The following MGST1 variants were observed in gnomAD, a reference collection of about 807,000 sequenced individuals.
The protein encoded by MGST1 is microsomal glutathione S-transferase 1, also known as glutathione S-transferase 12.
Under a neutral mutation model 8.9 loss-of-function variants are expected in MGST1, and 5 were observed. That is an observed-to-expected ratio of 0.56 (90% CI 0.29 to 1.19). The LOEUF (loss-of-function observed/expected upper bound fraction) is 1.19, where lower values mean the gene tolerates loss of function less well. MGST1 is among the 50% of genes most tolerant of loss of function. The probability of loss-of-function intolerance (pLI) is 0.08; values close to 1 mark genes in which losing one functional copy is unlikely to be tolerated. For synonymous variants in MGST1, 54 were observed against 67.8 expected (o/e 0.80, Z 1.00); for missense variants, 182 against 187.4 (o/e 0.97, Z 0.17).
chr12:16,481,810 G>A (rs899976573), intron 4 of MGST1, among the ~76,000 whole-genome samples: 10 of 151,966 alleles, frequency 6.6e-5, no homozygotes, highest in African/African-American at 2.2e-4. Flanking sequence ...AAGAATACAG[G>A]GGGGTATGGG....
In MGST1 at chr12:16,586,031, A is replaced by G. The variant is rs2137577416; in HGVS notation, n.483-3497A>G. Among the ~76,000 whole-genome samples, 1 of 152,262 alleles carries G rather than the reference A, an allele frequency of 6.6e-6. No homozygotes were observed. Among genetic ancestry groups the G allele is most frequent in the East Asian group, 1.9e-4 (1 of 5,178 alleles). On this transcript the variant is annotated intron_variant and non_coding_transcript_variant, in intron 4 of 4. Coordinates refer to the MGST1 transcript ENST00000538857. The surrounding 1 kb of genome is among the most constrained non-coding windows in gnomAD (Gnocchi z 4.3). ...GACACTGATGTTTTTGCAGCTGTTAATGAAAATCTTCAACACAGGAAAACA... is the reference window on the plus strand; with the variant it reads ...GACACTGATGTTTTTGCAGCTGTTAGTGAAAATCTTCAACACAGGAAAACA...
intron 1 of MGST1, chr12:16,399,770 A>C: frequency 1.7e-6 from 2 of 1,172,738 alleles, no homozygotes; most frequent in Non-Finnish European, 2.6e-6. Flanking sequence ...GGTTGCAGGA[A>C]TTCAACCATT....
At chr12:16,486,949 C>T (rs554607249) in intron 4 of MGST1, among the ~76,000 whole-genome samples, 5 of 152,218 alleles carry the variant, frequency 3.3e-5, no homozygotes, top group South Asian at 4.1e-4. Context: ...TTCCAGGCCG[C>T]GACTGTTTAA....
At chr12:16,551,137 C>T in intron 4 of MGST1, 2 of 868,004 alleles carry the variant, frequency 2.3e-6, no homozygotes, top group South Asian at 2.7e-5. Flanking sequence ...TCAGTAGGTT[C>T]CTGTGTCAAT....
chr12:16,353,080 C>T (rs1005716620), intron 1 of MGST1, among the ~76,000 whole-genome samples: 3 of 151,960 alleles, frequency 2.0e-5, no homozygotes, highest in Non-Finnish European at 4.4e-5. Context: ...GTCACCCAGG[C>T]TAGAGTGCAG....
chr12:16,452,898 T>G (rs1209813322), intron 4 of MGST1, among the ~76,000 whole-genome samples: 2 of 151,900 alleles, frequency 1.3e-5, no homozygotes, highest in African/African-American at 2.4e-5. Context: ...TAAAAAGATG[T>G]GCCTAAATTA....
At chr12:16,450,593 C>A (rs1393715571) in intron 4 of MGST1, among the ~76,000 whole-genome samples, 1 of 151,890 alleles carries the variant, frequency 6.6e-6, no homozygotes. Context: ...AACTCAGAAT[C>A]GCACTAGTGT....
At chr12:16,558,992 A>G (rs1942293824) in intron 4 of MGST1, among the ~76,000 whole-genome samples, 1 of 152,174 alleles carries the variant, frequency 6.6e-6, no homozygotes, top group Non-Finnish European at 1.5e-5. Context: ...CAGCTAATAT[A>G]TGGTGGTGCT....
At chr12:16,365,138 T>C (rs1184203742), downstream of MGST1, among the ~76,000 whole-genome samples, 17 of 152,152 alleles carry the variant, frequency 1.1e-4, no homozygotes, top group Admixed American at 1.1e-3. Flanking sequence ...TTTATTTTTA[T>C]AATCATATGT....
chr12:16,355,268 G>A (rs1939665665), intron 2 of MGST1, among the ~76,000 whole-genome samples: 1 of 150,532 alleles, frequency 6.6e-6, no homozygotes, highest in South Asian at 2.1e-4. Context: ...GAGTGCAGTG[G>A]CAGGATCTCG....
downstream of MGST1, among the ~76,000 whole-genome samples, chr12:16,380,017 A>G (rs1318209039): frequency 6.6e-6 from 1 of 151,684 alleles, no homozygotes; most frequent in Non-Finnish European, 1.5e-5. Context: ...TTTTTATTGC[A>G]TCTATTTGAT....
At chr12:16,380,472 C>T (rs1188023347), downstream of MGST1, among the ~76,000 whole-genome samples, 1 of 152,010 alleles carries the variant, frequency 6.6e-6, no homozygotes, top group Non-Finnish European at 1.5e-5. Context: ...TTTTTTAATC[C>T]TGAGTTCTAG....
chr12:16,591,110 C>T (rs1362319090), downstream of MGST1, among the ~76,000 whole-genome samples: 14 of 151,976 alleles, frequency 9.2e-5, no homozygotes, highest in East Asian at 3.9e-4. The surrounding 1 kb of genome is among the most constrained non-coding windows in gnomAD (Gnocchi z 4.1). Flanking sequence ...GAAATGTATA[C>T]GGGGCATTGT....
intron 4 of MGST1, among the ~76,000 whole-genome samples, chr12:16,477,755 T>A (rs1410290034): frequency 2.0e-5 from 3 of 152,192 alleles, no homozygotes; most frequent in African/African-American, 4.8e-5. Context: ...CTACAGTAGG[T>A]TAGATCATGC....
intron 1 of MGST1, among the ~76,000 whole-genome samples, chr12:16,352,810 A>G (rs1304220440): frequency 6.6e-6 from 1 of 152,178 alleles, no homozygotes; most frequent in South Asian, 2.1e-4. Flanking sequence ...AAAGTACCAT[A>G]TATGGTAATT....
chr12:16,439,445 C>T (rs889446148), downstream of MGST1, among the ~76,000 whole-genome samples: 1 of 151,758 alleles, frequency 6.6e-6, no homozygotes, highest in Non-Finnish European at 1.5e-5. Context: ...ATGTTTAATT[C>T]AAAGATTGCT....
Position 16,532,815 on chromosome 12 carries a change from C to T in MGST1, n.483-56713C>T, listed in dbSNP as rs1236016005. Reference sequence around the variant, plus strand: ...CATTTTTTTTAAATTTTACATTCCTCATACAAAACAATACTGAAAGAACTA... The same window carrying T: ...CATTTTTTTTAAATTTTACATTCCTTATACAAAACAATACTGAAAGAACTA... On this transcript the variant is annotated intron_variant and non_coding_transcript_variant, in intron 4 of 4. Coordinates refer to the MGST1 transcript ENST00000538857. 2.0e-5 allele frequency among the ~76,000 whole-genome samples: 3 copies of T among 152,082 alleles called. No homozygotes were observed. In the East Asian group the frequency reaches 5.8e-4, roughly 29 times the overall value.
At chr12:16,562,298 TTTA>T (rs1323825576) in intron 4 of MGST1, among the ~76,000 whole-genome samples, 1 of 152,218 alleles carries the variant, frequency 6.6e-6, no homozygotes, top group East Asian at 1.9e-4. Context: ...TCTTCTGTTC[TTTA>T]TTATTTTTGA....
intron 4 of MGST1, among the ~76,000 whole-genome samples, chr12:16,505,610 T>G (rs1941533207): frequency 6.6e-6 from 1 of 152,222 alleles, no homozygotes; most frequent in Admixed American, 6.5e-5. Flanking sequence ...ATTTCCTAGT[T>G]ATCTGCTTTA....
Sources: gnomAD v4.1 joint callset for allele counts (sites outside exome capture counted in the v4.1 genomes callset) on GRCh38, gnomAD v4.1.1 for gene constraint, Gnocchi (gnomAD v3.1) non-coding constraint, MANE v1.5 for transcripts, NCBI Gene and HGNC (gene_info 2026-07-23, HGNC 2026-07-21) for gene names.